The following DMD variants were observed in gnomAD, a reference collection of about 807,000 sequenced individuals.
DMD encodes dystrophin, also known as mutant dystrophin.
Under a neutral mutation model 330.1 loss-of-function variants are expected in DMD, and 63 were observed. The observed-to-expected ratio is 0.19, with a 90% CI of 0.16 to 0.24. The LOEUF (loss-of-function observed/expected upper bound fraction) is 0.24. Among genes scored for constraint, DMD ranks in the 10% least tolerant of loss-of-function variants. The probability of loss-of-function intolerance (pLI) is 1.00; values close to 1 mark genes in which losing one functional copy is unlikely to be tolerated. For missense variants in DMD, 3,344 were observed against 2,684.1 expected, an observed-to-expected ratio of 1.25 and a Z score of -5.43; for synonymous variants, 1,223 against 959.8, an observed-to-expected ratio of 1.27 and a Z score of -5.07.
rs989494676 is a variant in DMD at position 31,180,266 on chromosome X, G to C, written c.10086+104C>G. 203 of 613,051 alleles carry C rather than the reference G, an allele frequency of 3.3e-4. No individual in the cohort carries two copies. In the Admixed American group the frequency reaches 4.9e-3, roughly 15 times the overall value. The allele number at this position is 613,051 out of a possible 1,213,427, so 50.5% of individuals were successfully genotyped here. ...AGCCACTTTAGCTGGGGAACATCTG[G>C]GGAAGTGACAAATCACAGCATTATA... On this transcript the variant is annotated intron_variant, in intron 69 of 78. Coordinates refer to ENST00000357033, the MANE Select transcript of DMD (RefSeq NM_004006.3).
chrX:33,016,865 G>T (rs7883197), intron 2 of DMD, among the ~76,000 whole-genome samples: 7,193 of 111,241 alleles, frequency 0.065, 589 homozygotes, highest in African/African-American at 0.22. Context: ...TTATTAAGCC[G>T]GCATGGATGA....
At chrX:32,661,488 TC>T (rs2060943700) in intron 9 of DMD, among the ~76,000 whole-genome samples, 1 of 111,473 alleles carries the variant, frequency 9.0e-6, no homozygotes, top group Non-Finnish European at 1.9e-5. Context: ...TCTCACGAAA[TC>T]CTGAATATTA....
rs760734751 is a variant in DMD, at chrX:32,379,332, T to A, written c.4845+1178A>T. Among the ~76,000 whole-genome samples the A allele has an allele frequency of 1.0e-3, 116 of 110,580 alleles. 1 individual carries two copies. The highest frequency in any genetic ancestry group is 1.5e-3 in the Non-Finnish European group (80 of 52,742). On this transcript the variant is annotated intron_variant, in intron 34 of 78. Coordinates refer to ENST00000357033, the MANE Select transcript of DMD (RefSeq NM_004006.3). ...ATTCAAGCCTTCTATATGAGAAGGA[T>A]AACCTAGAAACCTCTGCAAAGGTCA...
rs191862041 is a variant in DMD at position 31,811,777 on chromosome X, C to T, written c.7309+8198G>A. On this transcript the variant is annotated intron_variant, in intron 50 of 78. Coordinates refer to ENST00000357033, the MANE Select transcript of DMD (RefSeq NM_004006.3). ...TGAGGAAGAAAAAGATTTGGCCTCA[C>T]GGAAATTTATTTGCCTAATCCTAAA... 4.0e-4 allele frequency among the ~76,000 whole-genome samples: 45 copies of T among 111,244 alleles called. No homozygotes were observed. In the East Asian group the frequency reaches 7.1e-3, roughly 17 times the overall value.
At chrX:32,677,248 T>A (rs923762598) in intron 9 of DMD, among the ~76,000 whole-genome samples, 2 of 111,485 alleles carry the variant, frequency 1.8e-5, no homozygotes, top group African/African-American at 6.5e-5. Context: ...ACATTTTCAG[T>A]TATTTAATGT....
chrX:32,809,944 AAAGAAAGAAAG>A (rs757452541), intron 6 of DMD, among the ~76,000 whole-genome samples: 1,561 of 74,683 alleles, frequency 0.021, 29 homozygotes, highest in East Asian at 0.051. Context: ...AAAAAAAAAA[AAAGAAAGAAAG>A]AAAGAAAGAA....
At chrX:32,303,567 C>A (rs1282300705) in intron 42 of DMD, among the ~76,000 whole-genome samples, 2 of 110,936 alleles carry the variant, frequency 1.8e-5, no homozygotes, top group Non-Finnish European at 3.8e-5. Context: ...AAAATAATAG[C>A]TTTAAGCAGT....
chrX:31,408,056 T>G (rs2061481832), intron 60 of DMD, among the ~76,000 whole-genome samples: 1 of 112,321 alleles, frequency 8.9e-6, no homozygotes, highest in Non-Finnish European at 1.9e-5. Flanking sequence ...TAACCTGCAA[T>G]CATTCATATA....
chrX:31,146,841 C>T (rs1228647408), intron 75 of DMD, among the ~76,000 whole-genome samples: 1 of 111,537 alleles, frequency 9.0e-6, no homozygotes, highest in Non-Finnish European at 1.9e-5. Context: ...CAGGTAGGTC[C>T]TCTTACAATG....
intron 44 of DMD, among the ~76,000 whole-genome samples, chrX:32,047,594 C>T (rs773073430): frequency 1.8e-5 from 2 of 111,171 alleles, no homozygotes; most frequent in African/African-American, 3.3e-5. Context: ...ATTTTGTGAC[C>T]ACTCTGTTCC....
At chrX:31,317,552 A>G (rs921354945) in intron 62 of DMD, among the ~76,000 whole-genome samples, 43 of 97,332 alleles carry the variant, frequency 4.4e-4, no homozygotes, top group African/African-American at 1.6e-3. Flanking sequence ...TTGCTCTGTC[A>G]CCCAGGCTGG....
chrX:32,660,871 T>G (rs1284435732), intron 9 of DMD, among the ~76,000 whole-genome samples: 2 of 111,491 alleles, frequency 1.8e-5, no homozygotes, highest in South Asian at 3.7e-4. Flanking sequence ...TACTCTGATT[T>G]TGCTGACAAA....
intron 78 of DMD, among the ~76,000 whole-genome samples, chrX:31,122,408 C>A (rs1188174242): frequency 9.0e-6 from 1 of 111,029 alleles, no homozygotes. Context: ...ACTACCACTA[C>A]CATCACCAGC....
At chrX:31,297,144 A>C (rs1268902382) in intron 62 of DMD, among the ~76,000 whole-genome samples, 1 of 111,498 alleles carries the variant, frequency 9.0e-6, no homozygotes, top group East Asian at 2.8e-4. Flanking sequence ...TGAAAACTCA[A>C]GTCTGTAATT....
At chrX:31,444,293 G>T (rs1177309547) in intron 60 of DMD, among the ~76,000 whole-genome samples, 188 bp downstream of exon 60, 4 of 111,268 alleles carry the variant, frequency 3.6e-5, no homozygotes, top group Non-Finnish European at 7.5e-5. Context: ...AGTCTTAGTT[G>T]CTTCCAAAAT....
At chrX:31,491,779 T>C (rs1413823624) in intron 57 of DMD, among the ~76,000 whole-genome samples, 3 of 111,766 alleles carry the variant, frequency 2.7e-5, no homozygotes, top group African/African-American at 9.8e-5. Flanking sequence ...ATGACAGCAA[T>C]TGATATTGAC....
intron 2 of DMD, among the ~76,000 whole-genome samples, chrX:32,857,801 G>A (rs1460007131): frequency 1.8e-5 from 2 of 111,479 alleles, no homozygotes; most frequent in Non-Finnish European, 3.8e-5. Flanking sequence ...CAAGGACTAC[G>A]TTTGGGTTTG....
At chrX:33,058,888 G>A (rs931247533) in intron 1 of DMD, among the ~76,000 whole-genome samples, 1 of 111,446 alleles carries the variant, frequency 9.0e-6, no homozygotes, top group African/African-American at 3.3e-5. Context: ...TGAAGTGCCT[G>A]TTCAAATATT....
intron 1 of DMD, among the ~76,000 whole-genome samples, chrX:33,156,333 T>G (rs530913629): frequency 8.9e-6 from 1 of 112,551 alleles, no homozygotes; most frequent in Non-Finnish European, 1.9e-5. Flanking sequence ...AGCTGAGGAA[T>G]GTACTTACAT....
Sources: allele counts gnomAD v4.1 joint callset (sites outside exome capture counted in the v4.1 genomes callset), GRCh38; gene constraint gnomAD v4.1.1; transcripts MANE v1.5; gene names NCBI Gene and HGNC (gene_info 2026-07-23, HGNC 2026-07-21).